Variants in FLVCR1 observed in about 807,000 individuals in gnomAD.
FLVCR1 encodes FLVCR choline and heme transporter 1, also known as choline/ethanolamine transporter FLVCR1.
In FLVCR1, 34 loss-of-function variants were observed where a neutral mutation model predicts 53.6. That is an observed-to-expected ratio of 0.63 (90% CI 0.48 to 0.84). The LOEUF is 0.84. Ranked by LOEUF, FLVCR1 falls within the 40% of genes least tolerant of loss-of-function variation. FLVCR1 has a pLI of 0.00. For missense variants in FLVCR1, 677 were observed against 696.7 expected (o/e 0.97, Z 0.32); for synonymous variants, 300 against 286.3 (o/e 1.05, Z -0.48).
At chr1:212,888,408 C>G in intron 6 of FLVCR1, 81 bp from the exon 7 acceptor site, 1 of 962,844 alleles carries the variant, frequency 1.0e-6, no homozygotes, top group South Asian at 1.3e-5. Flanking sequence ...TAGAATAAGC[C>G]CGAGAGGCAG....
rs1410232275 is a variant in FLVCR1 at position 212,858,930 on chromosome 1, C to T, written c.478C>T (p.Leu160Phe). The change falls in exon 1 of 10, where the codon CTC (leucine) becomes TTC (phenylalanine). Residue 160 changes from leucine (L) to phenylalanine (F), a missense_variant. Leu to Phe is a conservative substitution (Grantham distance 22). Transcript: ENST00000366971. Reference protein sequence around the residue: ...SMVYMLAYVPLIFPATWLLDT... With the variant: ...SMVYMLAYVPFIFPATWLLDT... ...GGTGTACATGCTGGCCTACGTGCCCCTCATCTTCCCGGCCACCTGGCTGCT... is the reference window on the plus strand; with the variant it reads ...GGTGTACATGCTGGCCTACGTGCCCTTCATCTTCCCGGCCACCTGGCTGCT... The T allele has an allele frequency of 1.2e-6, 2 of 1,614,254 alleles. No individual in the cohort carries two copies. Among genetic ancestry groups the T allele is most frequent in the Non-Finnish European group, 1.7e-6 (2 of 1,180,044 alleles).
intron 1 of FLVCR1, chr1:212,863,482 A>G (rs1664309829): frequency 4.6e-6 from 2 of 434,492 alleles, no homozygotes; most frequent in Non-Finnish European, 8.5e-6. Flanking sequence ...CCAGCTACTC[A>G]GGAGGCTGAG....
intron 8 of FLVCR1, among the ~76,000 whole-genome samples, chr1:212,893,402 A>C (rs1665250294): frequency 6.6e-6 from 1 of 152,156 alleles, no homozygotes. Context: ...TTGAGTTGGA[A>C]TCTACTAGTA....
chr1:212,871,842 G>A lies in FLVCR1; in HGVS notation c.884-836G>A, dbSNP rs557737208. Among the ~76,000 whole-genome samples the A allele has an allele frequency of 4.0e-4, 61 of 152,258 alleles. No individual in the cohort carries two copies. In the South Asian group the frequency reaches 0.013, roughly 32 times the overall value. ...TGAAATTTCTAACTAGAAATGGATA[G>A]CGCTAAAACTTAGAGTGTCAGACAC... On this transcript the variant is annotated intron_variant, in intron 2 of 9. Transcript: ENST00000366971.
intron 8 of FLVCR1, among the ~76,000 whole-genome samples, chr1:212,893,347 G>A (rs973316207): frequency 2.6e-5 from 4 of 152,102 alleles, no homozygotes; most frequent in Admixed American, 6.5e-5. Flanking sequence ...CAGCCACTGC[G>A]CCTGGCTGGG....
chr1:212,893,736 G>A (rs1462314242), intron 8 of FLVCR1, among the ~76,000 whole-genome samples: 1 of 152,134 alleles, frequency 6.6e-6, no homozygotes, highest in African/African-American at 2.4e-5. Context: ...CAGAAGGCTT[G>A]GATAATCATT....
chr1:212,885,244 A>G, intron 4 of FLVCR1, 49 bp from the exon 5 acceptor site: 1 of 1,231,416 alleles, frequency 8.1e-7, no homozygotes, highest in Non-Finnish European at 1.2e-6. Context: ...AAGAGTCTGA[A>G]TTAGTTAATC....
chr1:212,899,138 C>G lies in FLVCR1; in HGVS notation c.*3848C>G, dbSNP rs1237182090. 2 of 152,178 alleles carry G rather than the reference C, an allele frequency of 1.3e-5. No homozygotes were observed. Among genetic ancestry groups the G allele is most frequent in the South Asian group, 4.1e-4 (2 of 4,832 alleles). 9.4% of individuals were successfully genotyped at this position (152,178 alleles called of 1,614,324 possible). A position where few individuals can be genotyped will look rare whatever the true frequency, so the allele number is the denominator to read the frequency against. ...AAACTGGATGTTTCAAAAGCTGTTGCATTTATTACAAATGTCACAAATACA... is the reference window on the plus strand; with the variant it reads ...AAACTGGATGTTTCAAAAGCTGTTGGATTTATTACAAATGTCACAAATACA... On this transcript the variant is annotated 3_prime_UTR_variant, in exon 10 of 10. Coordinates refer to ENST00000366971, the MANE Select transcript of FLVCR1 (RefSeq NM_014053.4).
chr1:212,867,394 C>T (rs1169377369), intron 2 of FLVCR1, among the ~76,000 whole-genome samples: 3 of 152,186 alleles, frequency 2.0e-5, no homozygotes, highest in African/African-American at 7.2e-5. Context: ...ATCCTCATGA[C>T]TCTGTGAGGA....
intron 2 of FLVCR1, 38 bp downstream of exon 2, chr1:212,863,907 A>G (rs1213015049): frequency 5.1e-6 from 8 of 1,560,650 alleles, no homozygotes; most frequent in African/African-American, 1.4e-5. Context: ...AAATGAATGC[A>G]TGATAGAAAT....
At chr1:212,865,838 C>T (rs866255957) in intron 2 of FLVCR1, among the ~76,000 whole-genome samples, 3 of 144,456 alleles carry the variant, frequency 2.1e-5, no homozygotes, top group East Asian at 2.1e-4. Flanking sequence ...TTTATCAAGA[C>T]GGAGTCTCGC....
chr1:212,896,390 G>A lies in FLVCR1; in HGVS notation c.*1100G>A, dbSNP rs900211579. 6.6e-6 allele frequency: 1 copy of A among 152,134 alleles called. No homozygotes were observed. Among genetic ancestry groups the A allele is most frequent in the African/African-American group, 2.4e-5 (1 of 41,422 alleles). 9.4% of individuals were successfully genotyped at this position (152,134 alleles called of 1,614,324 possible). A position where few individuals can be genotyped will look rare whatever the true frequency, so the allele number is the denominator to read the frequency against. On this transcript the variant is annotated 3_prime_UTR_variant, in exon 10 of 10. Coordinates refer to ENST00000366971, the MANE Select transcript of FLVCR1 (RefSeq NM_014053.4). ...CTATGCCCAGGTACATGCTCTATCA[G>A]TGTGCCGGGAGAGTGGATTCTTTTC...
chr1:212,890,011 TG>T, intron 8 of FLVCR1, among the ~76,000 whole-genome samples: 1 of 152,328 alleles, frequency 6.6e-6, no homozygotes, highest in Admixed American at 6.5e-5. Flanking sequence ...ATTGTTATAA[TG>T]TGGTAGAGAT....
chr1:212,886,743 C>T (rs562830590), intron 5 of FLVCR1, among the ~76,000 whole-genome samples: 4 of 151,750 alleles, frequency 2.6e-5, no homozygotes, highest in Non-Finnish European at 5.9e-5. Flanking sequence ...GAGGTTGCAG[C>T]GAGCTGAGAT....
intron 8 of FLVCR1, among the ~76,000 whole-genome samples, chr1:212,892,651 C>G (rs1665221841): frequency 6.6e-6 from 1 of 152,046 alleles, no homozygotes; most frequent in South Asian, 2.1e-4. Context: ...TGTCTGGAAA[C>G]ACAGCATCCC....
intron 5 of FLVCR1, among the ~76,000 whole-genome samples, chr1:212,886,042 C>CTT (rs5780703): frequency 0.47 from 56,544 of 120,494 alleles, 14,653 homozygotes; most frequent in East Asian, 0.56. Context: ...TTATCTTGTT[C>CTT]TTTTTTTTTT....
chr1:212,888,310 C>T (rs1483343891), intron 6 of FLVCR1, among the ~76,000 whole-genome samples, 179 bp from the exon 7 acceptor site: 1 of 152,144 alleles, frequency 6.6e-6, no homozygotes, highest in Non-Finnish European at 1.5e-5. Context: ...TTTGTTGCTT[C>T]CAGTTCTGTA....
chr1:212,894,110 A>T (rs1572030957), intron 8 of FLVCR1, among the ~76,000 whole-genome samples: 3 of 149,954 alleles, frequency 2.0e-5, no homozygotes, highest in Non-Finnish European at 3.0e-5. Flanking sequence ...ATGTAGATTG[A>T]TTTTTTTTTT....
At chr1:212,865,184 G>T (rs1331700958) in intron 2 of FLVCR1, among the ~76,000 whole-genome samples, 1 of 150,760 alleles carries the variant, frequency 6.6e-6, no homozygotes, top group Non-Finnish European at 1.5e-5. Context: ...CAACGTGCAG[G>T]TTTGTTACAT....
Sources: allele counts gnomAD v4.1 joint callset (sites outside exome capture counted in the v4.1 genomes callset), GRCh38; gene constraint gnomAD v4.1.1; transcripts MANE v1.5; gene names NCBI Gene and HGNC (gene_info 2026-07-23, HGNC 2026-07-21).